CNTN5: variants seen among roughly 807,000 people sequenced by gnomAD.
CNTN5 encodes contactin-5.
Under a neutral mutation model 129.1 loss-of-function variants are expected in CNTN5, and 77 were observed. The ratio of observed to expected loss-of-function variants is 0.60; its 90% CI spans 0.50 to 0.72. The LOEUF (loss-of-function observed/expected upper bound fraction) is 0.72. CNTN5 is among the 30% of genes least tolerant of loss of function. The pLI is 0.00. For missense variants in CNTN5, 1,478 were observed against 1,328.8 expected (o/e 1.11, Z -1.75); for synonymous variants, 509 against 465.6 (o/e 1.09, Z -1.20).
chr11:100,053,518 T>C (rs142606577), intron 9 of CNTN5, among the ~76,000 whole-genome samples: 26 of 151,802 alleles, frequency 1.7e-4, no homozygotes, highest in Admixed American at 3.9e-4. Flanking sequence ...AAACCACACT[T>C]TAGTATCACT....
chr11:99,767,454 A>G (rs1010663073), intron 3 of CNTN5, among the ~76,000 whole-genome samples: 2 of 152,076 alleles, frequency 1.3e-5, no homozygotes, highest in Non-Finnish European at 2.9e-5. Context: ...ATATCACAAG[A>G]TTAGTGAATT....
Position 100,184,739 on chromosome 11 carries a change from G to A in CNTN5, c.1581-6387G>A, listed in dbSNP as rs564263214. 2.6e-5 allele frequency among the ~76,000 whole-genome samples: 4 copies of A among 152,228 alleles called. No homozygotes were observed. In the South Asian group the frequency reaches 8.3e-4, roughly 32 times the overall value. Reference sequence around the variant, plus strand: ...AATAGCTATTTGTTATGCAGCAGTGGAAAACTATTACTTTTCTATTTTCTA... The same window carrying A: ...AATAGCTATTTGTTATGCAGCAGTGAAAAACTATTACTTTTCTATTTTCTA... On this transcript the variant is annotated intron_variant, in intron 13 of 24. Coordinates refer to ENST00000524871, the MANE Select transcript of CNTN5 (RefSeq NM_014361.4).
intron 2 of CNTN5, among the ~76,000 whole-genome samples, chr11:99,403,173 A>AT (rs1333240492): frequency 6.6e-6 from 1 of 151,694 alleles, no homozygotes; most frequent in East Asian, 1.9e-4. Flanking sequence ...TGCCTGGCTA[A>AT]TTTTTTGTAG....
At chr11:99,849,352 AT>A (rs1195172593) in intron 6 of CNTN5, among the ~76,000 whole-genome samples, 1 of 151,810 alleles carries the variant, frequency 6.6e-6, no homozygotes. Context: ...ACATATATAT[AT>A]ATATGCATAA....
At chr11:100,282,008 T>TG (rs1246796153) in intron 18 of CNTN5, among the ~76,000 whole-genome samples, 1 of 151,692 alleles carries the variant, frequency 6.6e-6, no homozygotes, top group Non-Finnish European at 1.5e-5. Flanking sequence ...TTTTTTTTTT[T>TG]TTTTTTTACT....
intron 3 of CNTN5, among the ~76,000 whole-genome samples, chr11:99,570,690 T>A (rs987832236): frequency 6.6e-6 from 1 of 152,174 alleles, no homozygotes; most frequent in African/African-American, 2.4e-5. Flanking sequence ...GAACTCACAT[T>A]CTTGTAGAGA....
At chr11:99,128,556 C>T (rs79599519) in intron 1 of CNTN5, among the ~76,000 whole-genome samples, 14,289 of 152,200 alleles carry the variant, frequency 0.094, 798 homozygotes, top group South Asian at 0.12. Context: ...TAATCTTTCC[C>T]GTCTGCTGGC....
At chr11:99,795,477 T>C (rs550360418) in intron 3 of CNTN5, among the ~76,000 whole-genome samples, 1 of 152,310 alleles carries the variant, frequency 6.6e-6, no homozygotes, top group South Asian at 2.1e-4. Context: ...CATGATCATT[T>C]GGATATAAGG....
chr11:99,586,238 AC>A (rs1862431024), intron 3 of CNTN5, among the ~76,000 whole-genome samples: 1 of 152,114 alleles, frequency 6.6e-6, no homozygotes, highest in South Asian at 2.1e-4. Flanking sequence ...CCATCATCCC[AC>A]AAGCTCAATC....
intron 15 of CNTN5, among the ~76,000 whole-genome samples, chr11:100,200,069 C>G (rs190380949): frequency 1.1e-4 from 16 of 151,994 alleles, no homozygotes; most frequent in African/African-American, 3.4e-4. Flanking sequence ...ACTTTTTACA[C>G]AAAATGGAAT....
chr11:100,040,737 C>T (rs1942328173), intron 9 of CNTN5, among the ~76,000 whole-genome samples: 1 of 152,068 alleles, frequency 6.6e-6, no homozygotes, highest in Non-Finnish European at 1.5e-5. Context: ...GCTGTGCTAG[C>T]AATGAGCGAG....
chr11:99,723,550 T>G (rs539701561), intron 3 of CNTN5, among the ~76,000 whole-genome samples: 1 of 152,300 alleles, frequency 6.6e-6, no homozygotes, highest in Non-Finnish European at 1.5e-5. Context: ...TATCTTGCAT[T>G]TATACTCTGT....
intron 13 of CNTN5, among the ~76,000 whole-genome samples, chr11:100,114,307 C>A (rs9971573): frequency 0.8 from 120,978 of 152,024 alleles, 48,957 homozygotes; most frequent in East Asian, 1. Flanking sequence ...TAGAAGCTGT[C>A]ATTGATCTGG....
chr11:100,190,496 T>G (rs1195420336), intron 13 of CNTN5, among the ~76,000 whole-genome samples: 1 of 152,158 alleles, frequency 6.6e-6, no homozygotes, highest in Non-Finnish European at 1.5e-5. Flanking sequence ...TTTTTCACCT[T>G]CATATGAAAG....
At chr11:100,070,723 T>C (rs1187770432) in intron 11 of CNTN5, among the ~76,000 whole-genome samples, 163 bp downstream of exon 11, 1 of 152,166 alleles carries the variant, frequency 6.6e-6, no homozygotes, top group African/African-American at 2.4e-5. Context: ...TAACTGAGAA[T>C]TTAACTCAAT....
chr11:100,247,236 T>C (rs536986652), intron 16 of CNTN5, among the ~76,000 whole-genome samples: 1 of 152,220 alleles, frequency 6.6e-6, no homozygotes, highest in African/African-American at 2.4e-5. Flanking sequence ...ATGTAGGTGA[T>C]AGATTAGATA....
At chr11:99,755,332 C>T (rs1007677432) in intron 3 of CNTN5, among the ~76,000 whole-genome samples, 3 of 152,140 alleles carry the variant, frequency 2.0e-5, no homozygotes, top group Admixed American at 2.0e-4. Flanking sequence ...CCATTTTGCA[C>T]TCCTGTCAGC....
At chr11:99,455,360 T>C (rs1944458014) in intron 2 of CNTN5, among the ~76,000 whole-genome samples, 1 of 151,994 alleles carries the variant, frequency 6.6e-6, no homozygotes, top group African/African-American at 2.4e-5. Flanking sequence ...TGACATTCAG[T>C]GGGCAACTAG....
intron 1 of CNTN5, among the ~76,000 whole-genome samples, chr11:99,101,582 G>C (rs988201637): frequency 6.6e-6 from 1 of 152,172 alleles, no homozygotes; most frequent in African/African-American, 2.4e-5. Flanking sequence ...AGGGGCTACA[G>C]GCCCTATGCC....
Sources: allele counts gnomAD v4.1 joint callset (sites outside exome capture counted in the v4.1 genomes callset), GRCh38; gene constraint gnomAD v4.1.1; transcripts MANE v1.5; gene names NCBI Gene and HGNC (gene_info 2026-07-23, HGNC 2026-07-21).